NEB: variants seen among roughly 807,000 people sequenced by gnomAD.
NEB encodes nebulin, also known as nemaline myopathy type 2.
A neutral mutation model predicts 952.2 loss-of-function variants in NEB; 512 were observed. That is an observed-to-expected ratio of 0.54 (90% confidence interval 0.50 to 0.58). The LOEUF (loss-of-function observed/expected upper bound fraction) is 0.58, where lower values mean the gene tolerates loss of function less well. NEB is among the 20% of genes least tolerant of loss of function. The pLI, the probability that NEB is intolerant of heterozygous loss-of-function variation, is 0.00. For missense variants in NEB, 8,428 were observed against 9,231.1 expected (o/e 0.91, Z 3.56); for synonymous variants, 2,900 against 3,149.8 (o/e 0.92, Z 2.66).
chr2:151,639,752 T>C (rs2098824542), intron 62 of NEB, 105 bp downstream of exon 62: 5 of 943,982 alleles, frequency 5.3e-6, no homozygotes, highest in African/African-American at 1.7e-5. Context: ...GACAGATAGA[T>C]AGATGCCTTT....
chr2:151,619,443 A>T lies in NEB; in HGVS notation c.10872+8T>A, dbSNP rs1406948370. On this transcript the variant is annotated splice_region_variant and intron_variant, in intron 73 of 181. Coordinates refer to ENST00000397345, the MANE Select transcript of NEB (RefSeq NM_001164508.2). ...TTAACATGCAGAGCTAACATCAAGG[A>T]AACTTACGTCACTCTGGAGGTCATA... The T allele has an allele frequency of 6.3e-7, 1 of 1,583,812 alleles. No homozygotes were observed. Among genetic ancestry groups the T allele is most frequent in the Non-Finnish European group, 8.6e-7 (1 of 1,160,966 alleles).
intron 8 of NEB, 119 bp from the exon 9 acceptor site, chr2:151,723,605 A>G: frequency 1.5e-6 from 1 of 645,506 alleles, no homozygotes; most frequent in Non-Finnish European, 2.6e-6. Context: ...GAGCAAAGGT[A>G]AATGAAATTC....
intron 64 of NEB, among the ~76,000 whole-genome samples, chr2:151,635,038 T>C: frequency 6.6e-6 from 1 of 152,100 alleles, no homozygotes; most frequent in East Asian, 1.9e-4. Context: ...AGGAATGAGA[T>C]TGTTCAGAGT....
At chr2:151,714,502 C>A (rs1439666089) in intron 10 of NEB, among the ~76,000 whole-genome samples, 2 of 152,148 alleles carry the variant, frequency 1.3e-5, no homozygotes, top group African/African-American at 2.4e-5. Flanking sequence ...CTTCTGCACC[C>A]CCTGGGGAGC....
intron 77 of NEB, among the ~76,000 whole-genome samples, chr2:151,613,995 G>T (rs2098114433): frequency 6.6e-6 from 1 of 152,146 alleles, no homozygotes; most frequent in Non-Finnish European, 1.5e-5. Context: ...AAGTATTTAT[G>T]CTCATCACTT....
At chr2:151,672,198 A>G (rs2099309825) in intron 37 of NEB, among the ~76,000 whole-genome samples, 171 bp downstream of exon 37, 1 of 152,238 alleles carries the variant, frequency 6.6e-6, no homozygotes, top group Non-Finnish European at 1.5e-5. Context: ...TAAGCACAGA[A>G]AGCAGGCAAA....
chr2:151,709,507 T>C, intron 12 of NEB, 149 bp downstream of exon 12: 2 of 564,610 alleles, frequency 3.5e-6, no homozygotes, highest in East Asian at 6.0e-5. Flanking sequence ...CTACTCTTTT[T>C]CAAATGCCTC....
At chr2:151,563,140 G>A (rs1275533227) in intron 119 of NEB, among the ~76,000 whole-genome samples, 1 of 150,054 alleles carries the variant, frequency 6.7e-6, no homozygotes, top group African/African-American at 2.4e-5. Flanking sequence ...TCAGCATCCA[G>A]AGTAACTAGA....
intron 128 of NEB, among the ~76,000 whole-genome samples, chr2:151,552,108 G>A (rs774754309): frequency 2.0e-4 from 31 of 152,120 alleles, no homozygotes; most frequent in African/African-American, 4.1e-4. Context: ...ACTCACTGGC[G>A]GGATCTGATA....
intron 61 of NEB, 96 bp downstream of exon 61, chr2:151,640,259 A>T: frequency 6.5e-7 from 1 of 1,544,402 alleles, no homozygotes; most frequent in Non-Finnish European, 8.8e-7. Context: ...TGCCTCCTCC[A>T]GGGGCTGGTG....
chr2:151,518,400 T>G lies in NEB; in HGVS notation c.22718A>C (p.Glu7573Ala). 6.2e-7 allele frequency: 1 copy of G among 1,609,536 alleles called. No individual in the cohort carries two copies. Among genetic ancestry groups the G allele is most frequent in the Non-Finnish European group, 8.5e-7 (1 of 1,176,000 alleles). The change falls in exon 156 of 182, where the codon GAG (glutamate) becomes GCG (alanine). Residue 7573 changes from glutamate (E) to alanine (A), a missense_variant. Coordinates refer to ENST00000397345, the MANE Select transcript of NEB (RefSeq NM_001164508.2). ...ASSYQYKKKYEKSKGHYHTIP... is the reference protein window; with the variant it reads ...ASSYQYKKKYAKSKGHYHTIP... ...GGTGTGGTAGTGGCCTTTACTCTTC[T>G]CATACTTCTTCTTGTACTGGTACTG...
intron 153 of NEB, among the ~76,000 whole-genome samples, chr2:151,520,430 A>G (rs2081138820): frequency 6.6e-6 from 1 of 152,158 alleles, no homozygotes; most frequent in South Asian, 2.1e-4. Context: ...TAGTATACAT[A>G]AAAATAAGTT....
chr2:151,671,187 C>G lies in NEB; in HGVS notation c.4342G>C (p.Gly1448Arg), dbSNP rs200002537. 1 of 1,613,780 alleles carries G rather than the reference C, an allele frequency of 6.2e-7. No individual in the cohort carries two copies. Among genetic ancestry groups the G allele is most frequent in the South Asian group, 1.1e-5 (1 of 91,076 alleles). Residue 1448 changes from glycine to arginine, a missense_variant, in exon 38 of 182, where the codon GGA (glycine) becomes CGA (arginine). Gly to Arg is a moderately radical substitution (Grantham distance 125). Coordinates refer to ENST00000397345, the MANE Select transcript of NEB (RefSeq NM_001164508.2). Reference sequence around the variant, plus strand: ...TCCAGGGAACCAATAGGGATCCATCCGATGCCCTTCAAGAAGCTGTTATAC... The same window carrying G: ...TCCAGGGAACCAATAGGGATCCATCGGATGCCCTTCAAGAAGCTGTTATAC... The part of the protein sequence containing the change: ...DEYNSFLKGI[G>R]WIPIGSLEVE...
rs757444464 is a variant in NEB at position 151,710,582 on chromosome 2, T to C, written c.823-44A>G. 2.5e-5 allele frequency: 30 copies of C among 1,203,342 alleles called. No homozygotes were observed. The South Asian group carries it at 3.2e-4, about 13-fold the overall frequency. The allele number at this position is 1,203,342 out of a possible 1,614,324, so 74.5% of individuals were successfully genotyped here. A position where few individuals can be genotyped will look rare whatever the true frequency, so the allele number is the denominator to read the frequency against. ...AAATAAGACAAGCATAACTCATGAA[T>C]TGACAAATAAGACAGCAAATTAAGA... On this transcript the variant is annotated intron_variant, in intron 10 of 181. Coordinates refer to ENST00000397345, the MANE Select transcript of NEB (RefSeq NM_001164508.2).
At position 151,531,403 on chromosome 2, in the gene NEB, A is replaced by T. The variant is rs191507607; in HGVS notation, c.21523-302T>A. 1.6e-4 allele frequency among the ~76,000 whole-genome samples: 22 copies of T among 136,428 alleles called. No individual in the cohort carries two copies. In the East Asian group the frequency reaches 4.7e-3, roughly 29 times the overall value. 89.5% of individuals were successfully genotyped at this position (136,428 alleles called of 152,430 possible). On this transcript the variant is annotated intron_variant, in intron 144 of 181. Transcript: ENST00000397345. ...ATGATCTTGGTTCACTGCAACCTCC[A>T]TCTCCTGGGCTCAAGCAATTGTCAC...
intron 46 of NEB, among the ~76,000 whole-genome samples, 180 bp from the exon 47 acceptor site, chr2:151,659,349 T>G (rs763864607): frequency 2.0e-5 from 3 of 152,128 alleles, no homozygotes; most frequent in Non-Finnish European, 2.9e-5. Context: ...CAGGCTGGAG[T>G]GCAGTAGTGC....
At position 151,609,881 on chromosome 2, in the gene NEB, C is replaced by G. The variant is rs371771414; in HGVS notation, c.12258G>C (p.Leu4086=). 143 of 1,612,724 alleles carry G rather than the reference C, an allele frequency of 8.9e-5. No individual in the cohort carries two copies. The highest frequency in any genetic ancestry group is 1.1e-4 in the Non-Finnish European group (134 of 1,179,002). ...GATCCGGCATGCATGTCCATTCATG[C>G]AGGTAATTGCGATAATCAATGTCAG... is the stretch of plus-strand genomic sequence containing the variant. ...LVTDIDYRNY[L]HEWTCMPDQN... Residue 4086 remains leucine, a synonymous_variant, in exon 81 of 182, where the codon CTG becomes CTC. Transcript: ENST00000397345.
chr2:151,638,446 GAGGCAC>G (rs1258165367), intron 63 of NEB, among the ~76,000 whole-genome samples: 4 of 152,232 alleles, frequency 2.6e-5, no homozygotes, highest in Non-Finnish European at 5.9e-5. Context: ...GGTGGCAGGG[GAGGCAC>G]CCTGGTGCTG....
At chr2:151,562,527 G>A in intron 120 of NEB, 84 bp downstream of exon 120, 1 of 1,312,364 alleles carries the variant, frequency 7.6e-7, no homozygotes, top group Non-Finnish European at 1.0e-6. Context: ...GGGACAACGG[G>A]AGCATGGCAG....
Sources: allele counts gnomAD v4.1 joint callset (sites outside exome capture counted in the v4.1 genomes callset), GRCh38; gene constraint gnomAD v4.1.1; transcripts MANE v1.5; gene names NCBI Gene and HGNC (gene_info 2026-07-23, HGNC 2026-07-21).